The following CACHD1 variants were observed in gnomAD, a reference collection of about 807,000 sequenced individuals.
CACHD1 encodes cache domain containing 1.
In CACHD1, 71 loss-of-function variants were observed where a neutral mutation model predicts 138.7. The observed-to-expected ratio is 0.51, with a 90% CI of 0.42 to 0.62. The LOEUF (loss-of-function observed/expected upper bound fraction) is 0.62, where lower values mean the gene tolerates loss of function less well. Ranked by LOEUF, CACHD1 falls within the 20% of genes least tolerant of loss-of-function variation. The probability of loss-of-function intolerance (pLI) is 0.00; values close to 1 mark genes in which losing one functional copy is unlikely to be tolerated. For synonymous variants in CACHD1, 578 were observed against 591.5 expected, an observed-to-expected ratio of 0.98 and a Z score of 0.33; for missense variants, 1,389 against 1,625.3, an observed-to-expected ratio of 0.85 and a Z score of 2.50.
chr1:64,508,312 G>A (rs1646392762), intron 1 of CACHD1, among the ~76,000 whole-genome samples: 1 of 152,208 alleles, frequency 6.6e-6, no homozygotes, highest in African/African-American at 2.4e-5. Flanking sequence ...CCTTCTTGAT[G>A]TGTTTTTATA....
At chr1:64,528,170 A>G (rs1646555161) in intron 1 of CACHD1, among the ~76,000 whole-genome samples, 1 of 152,316 alleles carries the variant, frequency 6.6e-6, no homozygotes, top group East Asian at 1.9e-4. Context: ...TTATTATCTC[A>G]ACATCCTCAT....
chr1:64,471,137 A>ACCCCTGCCCTTCTCTGGAGAAT (rs1357705647), intron 1 of CACHD1, among the ~76,000 whole-genome samples, 195 bp downstream of exon 1: 1 of 151,816 alleles, frequency 6.6e-6, no homozygotes, highest in East Asian at 1.9e-4. Flanking sequence ...GCATTCGTCT[A>ACCCCTGCCCTTCTCTGGAGAAT]CCCCTGCCCT....
chr1:64,663,717 T>G lies in CACHD1; in HGVS notation c.1974T>G (p.Ser658=). 3 of 1,614,154 alleles carry G rather than the reference T, an allele frequency of 1.9e-6. No homozygotes were observed. The highest frequency in any genetic ancestry group is 4.5e-5 in the East Asian group (2 of 44,876). ...CAGAAAGTCCCACCATCATGCTGTC[T>G]GCTGGCAGCTTTTCCTCCCCCTATG... ...ATLESPTIML[S]AGSFSSPYEH... is the part of the protein sequence containing the mutation. Residue 658 remains serine (S), a synonymous_variant, in exon 14 of 27, where the codon TCT becomes TCG. Coordinates refer to ENST00000651257, the MANE Select transcript of CACHD1 (RefSeq NM_020925.4).
chr1:64,507,183 A>T (rs1318597920), intron 1 of CACHD1, among the ~76,000 whole-genome samples: 1 of 152,224 alleles, frequency 6.6e-6, no homozygotes, highest in Non-Finnish European at 1.5e-5. Flanking sequence ...CTTTAGGATC[A>T]CAGCTACCTC....
At chr1:64,633,596 C>A (rs1648391434) in intron 6 of CACHD1, among the ~76,000 whole-genome samples, 1 of 152,260 alleles carries the variant, frequency 6.6e-6, no homozygotes, top group East Asian at 1.9e-4. Flanking sequence ...TAATGATAAT[C>A]TATTGCCTGT....
intron 2 of CACHD1, among the ~76,000 whole-genome samples, chr1:64,553,592 G>C (rs981463426): frequency 6.6e-6 from 1 of 152,110 alleles, no homozygotes; most frequent in African/African-American, 2.4e-5. Flanking sequence ...ATATGGAGAC[G>C]TGTAAAACAT....
At chr1:64,471,680 A>AT (rs1199045421) in intron 1 of CACHD1, among the ~76,000 whole-genome samples, 2 of 152,096 alleles carry the variant, frequency 1.3e-5, no homozygotes. Flanking sequence ...CTGCTGTATG[A>AT]TTTTTGTTTC....
At chr1:64,533,419 A>G (rs1646604933) in intron 1 of CACHD1, among the ~76,000 whole-genome samples, 1 of 152,172 alleles carries the variant, frequency 6.6e-6, no homozygotes, top group Admixed American at 6.5e-5. Context: ...GGAATATTGC[A>G]AATACTTGGG....
At chr1:64,681,477 C>T in intron 25 of CACHD1, 142 bp downstream of exon 25, 1 of 488,990 alleles carries the variant, frequency 2.0e-6, no homozygotes, top group Non-Finnish European at 3.5e-6. Flanking sequence ...TGTTTTTTTC[C>T]ATCCTTTTTT....
At chr1:64,491,910 T>G (rs1557460579) in intron 1 of CACHD1, among the ~76,000 whole-genome samples, 1 of 151,974 alleles carries the variant, frequency 6.6e-6, no homozygotes. Flanking sequence ...TGTGAGCCAC[T>G]GCACCCAGCG....
intron 2 of CACHD1, chr1:64,579,898 T>G: frequency 7.4e-6 from 1 of 136,000 alleles, no homozygotes; most frequent in Non-Finnish European, 1.6e-5. Context: ...GTGCTTGTAG[T>G]CTCATGAGAT....
At chr1:64,522,793 A>G (rs1012896684) in intron 1 of CACHD1, among the ~76,000 whole-genome samples, 5 of 152,350 alleles carry the variant, frequency 3.3e-5, no homozygotes, top group African/African-American at 1.2e-4. Context: ...TTTCCTCCTA[A>G]TCATGAATTT....
intron 17 of CACHD1, 26 bp downstream of exon 17, chr1:64,671,712 C>G: frequency 6.2e-7 from 1 of 1,613,534 alleles, no homozygotes. Context: ...ATGCTATTTC[C>G]TTTCTAGCTG....
intron 2 of CACHD1, among the ~76,000 whole-genome samples, chr1:64,562,198 T>C (rs11208465): frequency 0.81 from 123,609 of 151,938 alleles, 52,305 homozygotes; most frequent in South Asian, 0.94. Flanking sequence ...TTTGTGTCTT[T>C]CATCAAATTT....
At chr1:64,598,124 C>A (rs1005599508) in intron 3 of CACHD1, among the ~76,000 whole-genome samples, 3 of 152,110 alleles carry the variant, frequency 2.0e-5, no homozygotes, top group African/African-American at 7.2e-5. Context: ...CCAGAAAAAG[C>A]GGCAGGCATT....
intron 26 of CACHD1, among the ~76,000 whole-genome samples, chr1:64,687,223 T>G (rs1360621073): frequency 6.6e-6 from 1 of 152,228 alleles, no homozygotes; most frequent in Non-Finnish European, 1.5e-5. Context: ...ACTATGTCTG[T>G]CTTAATTCAT....
chr1:64,676,038 A>ATAATAC, intron 21 of CACHD1, 55 bp downstream of exon 21: 1 of 475,788 alleles, frequency 2.1e-6, no homozygotes, highest in Non-Finnish European at 3.0e-6. Context: ...AATAATAATA[A>ATAATAC]TACATATGTA....
At chr1:64,681,111 G>T (rs574714427) in intron 24 of CACHD1, 147 bp from the exon 25 acceptor site, 1 of 478,922 alleles carries the variant, frequency 2.1e-6, no homozygotes, top group Non-Finnish European at 3.8e-6. Context: ...AAAAAACATG[G>T]GGCATCAGTT....
At chr1:64,534,243 C>T (rs1646614480) in intron 1 of CACHD1, among the ~76,000 whole-genome samples, 1 of 151,866 alleles carries the variant, frequency 6.6e-6, no homozygotes, top group Non-Finnish European at 1.5e-5. Context: ...AGAGTTTCAC[C>T]ATGTTGGCCA....
Sources: gnomAD v4.1 joint callset for allele counts (sites outside exome capture counted in the v4.1 genomes callset) on GRCh38, gnomAD v4.1.1 for gene constraint, MANE v1.5 for transcripts, NCBI Gene and HGNC (gene_info 2026-07-23, HGNC 2026-07-21) for gene names.